Variants in RYR3 observed in about 807,000 individuals in gnomAD.
The protein encoded by RYR3 is brain ryanodine receptor-calcium release channel.
A neutral mutation model predicts 584.3 loss-of-function variants in RYR3; 207 were observed. The ratio of observed to expected loss-of-function variants is 0.35; its 90% CI spans 0.32 to 0.40. The LOEUF is 0.40. Among genes scored for constraint, RYR3 ranks in the 10% least tolerant of loss-of-function variants. RYR3 has a pLI of 1.00. For synonymous variants in RYR3, 2,416 were observed against 2,248.5 expected, an observed-to-expected ratio of 1.07 and a Z score of -2.11; for missense variants, 5,616 against 6,089.2, an observed-to-expected ratio of 0.92 and a Z score of 2.59.
rs754472286 is a variant in RYR3 at position 33,601,435 on chromosome 15, G to C, written c.1805G>C (p.Cys602Ser). 8.7e-6 allele frequency: 14 copies of C among 1,612,726 alleles called. No individual in the cohort carries two copies. In the East Asian group the frequency reaches 3.1e-4, roughly 36 times the overall value. Residue 602 changes from cysteine to serine, a missense_variant, in exon 17 of 104, where the codon TGC (cysteine) becomes TCC (serine). Physicochemically the swap from Cys to Ser is moderately radical, Grantham distance 112. Around this residue, in one of 9 missense-constraint regions of RYR3, gnomAD observed 1,284 missense variants for 1,344.6 expected, o/e 0.95. Transcript: ENST00000634891. The stretch of plus-strand genomic sequence containing the variant: ...CTGCTGCAGGTTCTGGATATCCTGT[G>C]CTCCCTCTGTCTCTGCAATGGGGTT... ...GRNHKVLDIL[C>S]SLCLCNGVAV...
intron 16 of RYR3, among the ~76,000 whole-genome samples, chr15:33,597,105 C>T (rs2059415530): frequency 6.6e-6 from 1 of 152,178 alleles, no homozygotes; most frequent in African/African-American, 2.4e-5. Flanking sequence ...TTATCAATGT[C>T]TTATTTATTA....
At chr15:33,655,650 C>T (rs945152174) in intron 32 of RYR3, among the ~76,000 whole-genome samples, 1 of 152,130 alleles carries the variant, frequency 6.6e-6, no homozygotes, top group African/African-American at 2.4e-5. Context: ...GATGACCCTG[C>T]TCAGCGATCC....
At chr15:33,487,736 A>G (rs1274715062) in intron 2 of RYR3, among the ~76,000 whole-genome samples, 2 of 152,232 alleles carry the variant, frequency 1.3e-5, no homozygotes, top group Admixed American at 6.5e-5. Context: ...CAGGCAGAAC[A>G]AAAAGGGTCA....
At chr15:33,530,517 G>C in intron 3 of RYR3, 75 bp from the exon 4 acceptor site, 1 of 1,006,982 alleles carries the variant, frequency 9.9e-7, no homozygotes, top group Non-Finnish European at 1.6e-6. Flanking sequence ...CTGTCTCCCA[G>C]AATTATTGTG....
intron 3 of RYR3, among the ~76,000 whole-genome samples, chr15:33,508,188 A>T (rs1405543339): frequency 6.6e-6 from 1 of 152,208 alleles, no homozygotes; most frequent in Non-Finnish European, 1.5e-5. Flanking sequence ...ACGAAGAGAG[A>T]TGAAATATAA....
intron 60 of RYR3, among the ~76,000 whole-genome samples, chr15:33,762,562 A>T (rs1490036043): frequency 6.6e-6 from 1 of 152,218 alleles, no homozygotes; most frequent in African/African-American, 2.4e-5. Flanking sequence ...CTTACAAGGG[A>T]TATGAAGGAC....
At chr15:33,376,579 C>T (rs1240154718) in intron 1 of RYR3, among the ~76,000 whole-genome samples, 1 of 152,182 alleles carries the variant, frequency 6.6e-6, no homozygotes, top group Admixed American at 6.5e-5. Flanking sequence ...ATCCCTTTTG[C>T]TGAGGGAAAT....
At chr15:33,507,384 A>T (rs2142822750) in intron 3 of RYR3, among the ~76,000 whole-genome samples, 1 of 152,300 alleles carries the variant, frequency 6.6e-6, no homozygotes, top group East Asian at 1.9e-4. Flanking sequence ...AGCAGAGAAC[A>T]TTTTGTGCCT....
chr15:33,530,069 G>A (rs1195460708), intron 3 of RYR3, among the ~76,000 whole-genome samples: 3 of 152,060 alleles, frequency 2.0e-5, no homozygotes, highest in African/African-American at 7.2e-5. Context: ...TAAAGTCCTG[G>A]ATTTCAGAGC....
rs767122446 is a variant in RYR3, at chr15:33,865,262, C to T, written c.*36C>T. On this transcript the variant is annotated 3_prime_UTR_variant, in exon 104 of 104. Coordinates refer to ENST00000634891, the MANE Select transcript of RYR3 (RefSeq NM_001036.6). ...AAGAAGCGCGACAATTCTGGACAGT[C>T]AACTTCCCATGAAATAAAGTCCCCT... The T allele has an allele frequency of 5.5e-6, 8 of 1,465,758 alleles. No individual in the cohort carries two copies. Among genetic ancestry groups the T allele is most frequent in the African/African-American group, 1.4e-5 (1 of 71,758 alleles). 90.8% of individuals were successfully genotyped at this position (1,465,758 alleles called of 1,614,324 possible).
In RYR3 at chr15:33,745,000, G is replaced by A. The variant is rs556038160; in HGVS notation, c.7900-1068G>A. ...GAGAGGCAGCAAGACTGGAGGCTGG[G>A]AGGCTGCTTAGGAAGCTCTTGCAGT... is the stretch of plus-strand genomic sequence containing the variant. On this transcript the variant is annotated intron_variant, in intron 52 of 103. Transcript: ENST00000634891. Among the ~76,000 whole-genome samples the A allele has an allele frequency of 1.7e-4, 26 of 152,332 alleles. No homozygotes were observed. The East Asian group carries it at 4.0e-3, about 24-fold the overall frequency.
At chr15:33,558,632 A>C (rs1351157878) in intron 10 of RYR3, among the ~76,000 whole-genome samples, 1 of 152,222 alleles carries the variant, frequency 6.6e-6, no homozygotes, top group Non-Finnish European at 1.5e-5. Context: ...GCGATTCCTC[A>C]GGGATCTAGA....
intron 4 of RYR3, among the ~76,000 whole-genome samples, chr15:33,532,763 A>G (rs561934971): frequency 8.5e-5 from 13 of 152,210 alleles, no homozygotes; most frequent in Non-Finnish European, 1.2e-4. Flanking sequence ...ATATAGTTCT[A>G]TACATTTAAC....
chr15:33,407,188 C>A (rs1050334887), intron 1 of RYR3, among the ~76,000 whole-genome samples: 4 of 152,218 alleles, frequency 2.6e-5, no homozygotes, highest in African/African-American at 7.2e-5. Context: ...GCCCTCATGG[C>A]TTAATCACTA....
chr15:33,509,000 A>G (rs894508635), intron 3 of RYR3, among the ~76,000 whole-genome samples: 11 of 152,188 alleles, frequency 7.2e-5, no homozygotes, highest in Admixed American at 1.3e-4. Context: ...ACATTATGCT[A>G]TATCCGTGTA....
chr15:33,479,210 C>T (rs1214112533), intron 2 of RYR3, among the ~76,000 whole-genome samples: 1 of 152,146 alleles, frequency 6.6e-6, no homozygotes, highest in East Asian at 1.9e-4. Context: ...ATTAAGATTG[C>T]ATCTTTGGCT....
chr15:33,466,277 G>A (rs2048480700), intron 1 of RYR3, among the ~76,000 whole-genome samples: 1 of 152,130 alleles, frequency 6.6e-6, no homozygotes, highest in Non-Finnish European at 1.5e-5. Context: ...AAGCAACCAA[G>A]GAGACTGAGT....
chr15:33,725,976 C>CGCCCAA lies in RYR3; in HGVS notation c.6913-410_6913-409insGCCCAA, dbSNP rs1555427643. On this transcript the variant is annotated intron_variant, in intron 45 of 103. Transcript: ENST00000634891. ...CAGAGCAAGACTCCATCCCCCCCCC[C>CGCCCAA]AAAAAAAAAAAAAAAAAAAAACAGA... Among the ~76,000 whole-genome samples, 4 of 31,520 alleles carry CGCCCAA rather than the reference C, an allele frequency of 1.3e-4. 1 individual carries two copies. Among genetic ancestry groups the CGCCCAA allele is most frequent in the Non-Finnish European group, 2.4e-4 (4 of 16,874 alleles). The allele number at this position is 31,520 out of a possible 152,430, so 20.7% of individuals were successfully genotyped here. A position where few individuals can be genotyped will look rare whatever the true frequency, so the allele number is the denominator to read the frequency against.
chr15:33,813,716 A>T (rs900899305), intron 74 of RYR3, 137 bp downstream of exon 74: 3 of 703,714 alleles, frequency 4.3e-6, no homozygotes, highest in Middle Eastern at 3.9e-4. Flanking sequence ...TGCAGTCTGC[A>T]TAGTATAAGG....
Sources: gnomAD v4.1 joint callset for allele counts (sites outside exome capture counted in the v4.1 genomes callset) on GRCh38, gnomAD v4.1.1 for gene constraint, gnomAD v4.1.1 regional missense constraint, MANE v1.5 for transcripts, NCBI Gene and HGNC (gene_info 2026-07-23, HGNC 2026-07-21) for gene names.